Variants in TRAPPC9 observed in about 807,000 individuals in gnomAD.
TRAPPC9 encodes trafficking protein particle complex subunit 9, also known as IKK2 binding protein.
Under a neutral mutation model 124.0 loss-of-function variants are expected in TRAPPC9, and 83 were observed. The ratio of observed to expected loss-of-function variants is 0.67; its 90% CI spans 0.56 to 0.80. The LOEUF (loss-of-function observed/expected upper bound fraction) is 0.80. Among genes scored for constraint, TRAPPC9 ranks in the 30% least tolerant of loss-of-function variants. The probability of loss-of-function intolerance (pLI) is 0.00; values close to 1 mark genes in which losing one functional copy is unlikely to be tolerated. For missense variants in TRAPPC9, 1,302 were observed against 1,508.3 expected (o/e 0.86, Z 2.27); for synonymous variants, 638 against 617.5 (o/e 1.03, Z -0.49).
At chr8:139,758,674 G>A (rs906523636) in intron 21 of TRAPPC9, among the ~76,000 whole-genome samples, 4 of 152,236 alleles carry the variant, frequency 2.6e-5, no homozygotes, top group Admixed American at 6.5e-5. Context: ...ACGAAGGCAG[G>A]GGCAAGAAAA....
At chr8:139,794,090 C>A (rs1369322425) in intron 21 of TRAPPC9, among the ~76,000 whole-genome samples, 1 of 152,082 alleles carries the variant, frequency 6.6e-6, no homozygotes, top group African/African-American at 2.4e-5. Flanking sequence ...CTGTCCCCCA[C>A]CCTGCTCTGC....
intron 17 of TRAPPC9, among the ~76,000 whole-genome samples, chr8:140,107,903 C>A: frequency 7.0e-6 from 1 of 142,298 alleles, no homozygotes. Flanking sequence ...ATCTTGCCCA[C>A]AATTTAGGCT....
At chr8:139,765,604 G>T (rs1820531350) in intron 21 of TRAPPC9, among the ~76,000 whole-genome samples, 1 of 152,224 alleles carries the variant, frequency 6.6e-6, no homozygotes, top group African/African-American at 2.4e-5. Context: ...CCATCAAGGG[G>T]CTGGGCAGGT....
chr8:140,247,669 G>C (rs2064019937), intron 16 of TRAPPC9, among the ~76,000 whole-genome samples: 1 of 152,014 alleles, frequency 6.6e-6, no homozygotes, highest in Non-Finnish European at 1.5e-5. Context: ...ATATATGTAT[G>C]TATATATGTA....
intron 8 of TRAPPC9, among the ~76,000 whole-genome samples, chr8:140,363,810 C>A (rs891063674): frequency 3.9e-5 from 6 of 152,020 alleles, no homozygotes; most frequent in Non-Finnish European, 8.8e-5. Context: ...ATTGGCCAGG[C>A]TGGTCTCGAA....
At chr8:139,928,002 T>C (rs1832910581) in intron 19 of TRAPPC9, among the ~76,000 whole-genome samples, 2 of 152,228 alleles carry the variant, frequency 1.3e-5, no homozygotes, top group East Asian at 1.9e-4. Flanking sequence ...TTTGTTATAC[T>C]GAATGTGCTG....
At chr8:140,361,580 AT>A (rs2067955792) in intron 8 of TRAPPC9, among the ~76,000 whole-genome samples, 1 of 152,240 alleles carries the variant, frequency 6.6e-6, no homozygotes. Flanking sequence ...TATTAATATT[AT>A]TATTCAATGA....
rs1372381341 is a variant in TRAPPC9 at position 139,788,701 on chromosome 8, C to A, written c.3056-56499G>T. Among the ~76,000 whole-genome samples, 2 of 152,356 alleles carry A rather than the reference C, an allele frequency of 1.3e-5. No individual in the cohort carries two copies. Among genetic ancestry groups the A allele is most frequent in the South Asian group, 4.1e-4 (2 of 4,830 alleles). On this transcript the variant is annotated intron_variant, in intron 21 of 22. Coordinates refer to ENST00000438773, the MANE Select transcript of TRAPPC9 (RefSeq NM_001160372.4). This position sits in a 1 kb window ranked among gnomAD's most constrained non-coding sequence, Gnocchi z 4.9. Reference sequence around the variant, plus strand: ...TGACGGCCACGCAGAGTCGAGTTACCATCACGCCTGCCTTCGTGGGCGCAG... The same window carrying A: ...TGACGGCCACGCAGAGTCGAGTTACAATCACGCCTGCCTTCGTGGGCGCAG...
At position 139,984,174 on chromosome 8, in the gene TRAPPC9, G is replaced by C. The variant is rs187511121; in HGVS notation, c.2810+4552C>G. On this transcript the variant is annotated intron_variant, in intron 19 of 22. Transcript: ENST00000438773. The surrounding 1 kb of genome is among the most constrained non-coding windows in gnomAD (Gnocchi z 4.3). Reference sequence around the variant, plus strand: ...CTCAGATTGCAGGCCACCTTTGAATGCCAGTTCTGCAAACGGCAGCATCCA... The same window carrying C: ...CTCAGATTGCAGGCCACCTTTGAATCCCAGTTCTGCAAACGGCAGCATCCA... Among the ~76,000 whole-genome samples the C allele has an allele frequency of 1.1e-4, 17 of 152,272 alleles. No homozygotes were observed. Among genetic ancestry groups the C allele is most frequent in the African/African-American group, 3.8e-4 (16 of 41,568 alleles).
intron 21 of TRAPPC9, among the ~76,000 whole-genome samples, chr8:139,851,775 T>C (rs1423371109): frequency 6.6e-6 from 1 of 152,232 alleles, no homozygotes; most frequent in Non-Finnish European, 1.5e-5. Flanking sequence ...GTTAACATTA[T>C]AGAGAAGCCT....
intron 21 of TRAPPC9, among the ~76,000 whole-genome samples, chr8:139,770,344 G>A (rs921369306): frequency 2.0e-4 from 30 of 152,350 alleles, no homozygotes; most frequent in Admixed American, 1.7e-3. Context: ...GTGGCTCCCC[G>A]CATTTTGAGA....
intron 15 of TRAPPC9, among the ~76,000 whole-genome samples, chr8:140,255,537 G>A (rs559324652): frequency 3.9e-5 from 6 of 152,324 alleles, no homozygotes; most frequent in African/African-American, 1.4e-4. Context: ...GCTGGTTCCT[G>A]GAAAGTCAAC....
At chr8:140,012,118 A>G (rs1340529161) in intron 18 of TRAPPC9, among the ~76,000 whole-genome samples, 3 of 152,190 alleles carry the variant, frequency 2.0e-5, no homozygotes, top group Admixed American at 2.0e-4. Context: ...CCAGGCATAC[A>G]TTTTGTATAA....
chr8:139,780,198 A>C (rs1312917412), intron 21 of TRAPPC9, among the ~76,000 whole-genome samples: 1 of 152,212 alleles, frequency 6.6e-6, no homozygotes, highest in Non-Finnish European at 1.5e-5. Context: ...ATCCAGAATA[A>C]CTAACACAAT....
chr8:140,272,571 C>T (rs953471238), intron 15 of TRAPPC9, among the ~76,000 whole-genome samples: 6 of 151,570 alleles, frequency 4.0e-5, no homozygotes, highest in Non-Finnish European at 8.8e-5. Flanking sequence ...AAAGGAATAC[C>T]TGAGGCTGGC....
At chr8:140,293,020 A>G (rs1323122852) in intron 11 of TRAPPC9, among the ~76,000 whole-genome samples, 1 of 147,636 alleles carries the variant, frequency 6.8e-6, no homozygotes, top group African/African-American at 2.6e-5. Context: ...AATTTACAAG[A>G]AAAAAACAAA....
At chr8:139,879,548 C>T (rs955974809) in intron 21 of TRAPPC9, among the ~76,000 whole-genome samples, 1 of 152,208 alleles carries the variant, frequency 6.6e-6, no homozygotes, top group Non-Finnish European at 1.5e-5. Context: ...TCCTCCACAA[C>T]ACCATCCCAG....
At position 140,194,949 on chromosome 8, in the gene TRAPPC9, G is replaced by T. The variant is rs28651404; in HGVS notation, c.2556+26510C>A. On this transcript the variant is annotated intron_variant, in intron 17 of 22. Coordinates refer to ENST00000438773, the MANE Select transcript of TRAPPC9 (RefSeq NM_001160372.4). The stretch of plus-strand genomic sequence containing the variant: ...CCTGTGACACTAAAACACATTCAAC[G>T]ATCCACTGTACAGATCACACCTGTG... 6.5e-4 allele frequency among the ~76,000 whole-genome samples: 98 copies of T among 151,694 alleles called. 1 individual carries two copies. The highest frequency in any genetic ancestry group is 2.2e-3 in the African/African-American group (91 of 41,324).
At chr8:139,745,136 T>A (rs1370731261) in intron 21 of TRAPPC9, among the ~76,000 whole-genome samples, 2 of 152,106 alleles carry the variant, frequency 1.3e-5, no homozygotes, top group African/African-American at 4.8e-5. Context: ...TGAAACACCG[T>A]CACCAACACA....
Sources: gnomAD v4.1 joint callset for allele counts (sites outside exome capture counted in the v4.1 genomes callset) on GRCh38, gnomAD v4.1.1 for gene constraint, Gnocchi (gnomAD v3.1) non-coding constraint, MANE v1.5 for transcripts, NCBI Gene and HGNC (gene_info 2026-07-23, HGNC 2026-07-21) for gene names.